Variants in CTNND2 observed in about 807,000 individuals in gnomAD.
The protein encoded by CTNND2 is catenin delta 2.
Under a neutral mutation model 144.4 loss-of-function variants are expected in CTNND2, and 22 were observed. That is an observed-to-expected ratio of 0.15 (90% CI 0.11 to 0.22). The LOEUF is 0.22. CTNND2 is among the 10% of genes least tolerant of loss of function. CTNND2 has a pLI of 1.00. For synonymous variants in CTNND2, 751 were observed against 695.6 expected (o/e 1.08, Z -1.25); for missense variants, 1,353 against 1,618.8 (o/e 0.84, Z 2.82).
intron 10 of CTNND2, among the ~76,000 whole-genome samples, chr5:11,231,027 G>A (rs1244573160): frequency 1.3e-5 from 2 of 152,102 alleles, no homozygotes. Context: ...GCAGGACCAG[G>A]TGAAGGTAAT....
chr5:11,023,075 G>A (rs1742446095), intron 16 of CTNND2, 96 bp from the exon 17 acceptor site: 7 of 1,094,578 alleles, frequency 6.4e-6, no homozygotes, highest in East Asian at 2.5e-5. Context: ...AATACGAGAG[G>A]CCACGTTTAT....
chr5:11,324,949 C>CT (rs1473641503), intron 9 of CTNND2, among the ~76,000 whole-genome samples: 1 of 78,276 alleles, frequency 1.3e-5, no homozygotes, highest in Admixed American at 1.4e-4. Context: ...AATGCATTAT[C>CT]CTTTTTTTTT....
At chr5:11,716,975 C>A (rs1786387605) in intron 2 of CTNND2, among the ~76,000 whole-genome samples, 1 of 152,078 alleles carries the variant, frequency 6.6e-6, no homozygotes, top group Non-Finnish European at 1.5e-5. Flanking sequence ...TCAAGGGATT[C>A]TCCTGCCTCA....
At chr5:11,489,169 A>G (rs527583021) in intron 3 of CTNND2, among the ~76,000 whole-genome samples, 1 of 152,312 alleles carries the variant, frequency 6.6e-6, no homozygotes, top group South Asian at 2.1e-4. Context: ...CCCTCGAGCC[A>G]TGTATAAGAA....
chr5:11,179,139 G>C (rs1760758949), intron 11 of CTNND2, among the ~76,000 whole-genome samples: 1 of 151,870 alleles, frequency 6.6e-6, no homozygotes, highest in Admixed American at 6.6e-5. Flanking sequence ...ATACAGCAGA[G>C]CAATTAGTCC....
At chr5:11,572,235 C>G (rs1393126581) in intron 2 of CTNND2, among the ~76,000 whole-genome samples, 1 of 152,162 alleles carries the variant, frequency 6.6e-6, no homozygotes, top group Non-Finnish European at 1.5e-5. Context: ...GTTGGTCCCT[C>G]TGCTCTCCTT....
intron 1 of CTNND2, among the ~76,000 whole-genome samples, chr5:11,810,004 C>T (rs943089262): frequency 5.3e-5 from 8 of 152,170 alleles, no homozygotes; most frequent in Non-Finnish European, 7.4e-5. Flanking sequence ...CATACAGAAC[C>T]TGACAATACC....
At chr5:11,572,160 C>T (rs1028542966) in intron 2 of CTNND2, among the ~76,000 whole-genome samples, 10 of 152,136 alleles carry the variant, frequency 6.6e-5, no homozygotes, top group African/African-American at 2.4e-4. Flanking sequence ...AGGAGTGAAT[C>T]TAAAACGCCC....
At chr5:11,187,123 C>T (rs1173314114) in intron 11 of CTNND2, among the ~76,000 whole-genome samples, 1 of 152,122 alleles carries the variant, frequency 6.6e-6, no homozygotes, top group Admixed American at 6.5e-5. Context: ...GAGGCATCTG[C>T]AAAGTCCTAC....
intron 1 of CTNND2, among the ~76,000 whole-genome samples, chr5:11,891,405 G>T (rs1736950626): frequency 6.6e-6 from 1 of 152,120 alleles, no homozygotes; most frequent in South Asian, 2.1e-4. Context: ...TTGACACTGG[G>T]TAACTTGCTG....
chr5:11,458,761 T>C (rs1166903446), intron 3 of CTNND2, among the ~76,000 whole-genome samples: 1 of 152,162 alleles, frequency 6.6e-6, no homozygotes, highest in Admixed American at 6.6e-5. Flanking sequence ...TGTTTTTTGT[T>C]TTATTTTTTG....
chr5:11,890,671 C>T (rs56213633), intron 1 of CTNND2, among the ~76,000 whole-genome samples: 102,595 of 152,040 alleles, frequency 0.67, 35,836 homozygotes, highest in South Asian at 0.82. Context: ...GATCAACCTT[C>T]GAGGAGGTTG....
rs577083708 is a variant in CTNND2 at position 11,813,566 on chromosome 5, G to A, written c.38-81294C>T. Among the ~76,000 whole-genome samples, 95 of 152,210 alleles carry A rather than the reference G, an allele frequency of 6.2e-4. 1 individual carries two copies. The highest frequency in any genetic ancestry group is 1.2e-3 in the Non-Finnish European group (79 of 68,022). On this transcript the variant is annotated intron_variant, in intron 1 of 21. Transcript: ENST00000304623. ...TGAAATGCATATCCAAATATCCTTA[G>A]CAACAGATATTTTTGGTGATACATA... is the stretch of plus-strand genomic sequence containing the variant.
At chr5:11,813,820 A>G (rs1179308308) in intron 1 of CTNND2, among the ~76,000 whole-genome samples, 1 of 152,216 alleles carries the variant, frequency 6.6e-6, no homozygotes, top group Non-Finnish European at 1.5e-5. Context: ...AGCCTAGAAC[A>G]AACATTTAAA....
At chr5:11,451,401 C>T (rs1765304394) in intron 3 of CTNND2, among the ~76,000 whole-genome samples, 1 of 152,106 alleles carries the variant, frequency 6.6e-6, no homozygotes, top group South Asian at 2.1e-4. Flanking sequence ...TATGTGTGCC[C>T]AAAGACACAA....
chr5:11,902,854 C>T (rs1738020850), intron 1 of CTNND2, among the ~76,000 whole-genome samples: 1 of 152,130 alleles, frequency 6.6e-6, no homozygotes, highest in Non-Finnish European at 1.5e-5. Context: ...CCTTCATACC[C>T]CCACGGTTAC....
chr5:11,276,572 T>G (rs1305552511), intron 9 of CTNND2, among the ~76,000 whole-genome samples: 1 of 152,186 alleles, frequency 6.6e-6, no homozygotes, highest in African/African-American at 2.4e-5. Flanking sequence ...TTAACTAGAC[T>G]AGGGTATAGT....
rs538262375 is a variant in CTNND2 at position 11,280,550 on chromosome 5, C to T, written c.1629-43727G>A. Among the ~76,000 whole-genome samples the T allele has an allele frequency of 5.3e-5, 8 of 152,244 alleles. No individual in the cohort carries two copies. In the South Asian group the frequency reaches 6.2e-4, roughly 12 times the overall value. ...CTCTTTTGCAAGGACATTAGTTCTG[C>T]GATATCAGAGCTCCACCTTTGTGAC... On this transcript the variant is annotated intron_variant, in intron 9 of 21. Transcript: ENST00000304623.
chr5:11,448,361 G>GA (rs1457227456), intron 3 of CTNND2, among the ~76,000 whole-genome samples: 1 of 150,494 alleles, frequency 6.6e-6, no homozygotes, highest in Non-Finnish European at 1.5e-5. Flanking sequence ...TAGCCAAAAA[G>GA]AAAAAAAATT....
Sources: allele counts gnomAD v4.1 joint callset (sites outside exome capture counted in the v4.1 genomes callset), GRCh38; gene constraint gnomAD v4.1.1; transcripts MANE v1.5; gene names NCBI Gene and HGNC (gene_info 2026-07-23, HGNC 2026-07-21).